The following PAPSS1 variants were observed in gnomAD, a reference collection of about 807,000 sequenced individuals.
PAPSS1 encodes 3'-phosphoadenosine 5'-phosphosulfate synthase 1.
PAPSS1 carries 50 observed loss-of-function variants against 72.0 expected under a neutral mutation model. The ratio of observed to expected loss-of-function variants is 0.69; its 90% CI spans 0.55 to 0.88. PAPSS1 has a LOEUF of 0.88. Ranked by LOEUF, PAPSS1 falls within the 40% of genes least tolerant of loss-of-function variation. The pLI is 0.00. For synonymous variants in PAPSS1, 261 were observed against 263.6 expected (o/e 0.99, Z 0.09); for missense variants, 657 against 782.2 (o/e 0.84, Z 1.91).
intron 11 of PAPSS1, among the ~76,000 whole-genome samples, chr4:107,621,134 T>C (rs1725943173): frequency 6.6e-6 from 1 of 152,096 alleles, no homozygotes; most frequent in Admixed American, 6.5e-5. Context: ...CAGTGATACC[T>C]AAGGACATGA....
At position 107,701,298 on chromosome 4, in the gene PAPSS1, GA is replaced by G. The variant is rs377503475; in HGVS notation, c.61-14del. ...CTCTCTGCATTCCCTAGAAAAAAAA[GA>G]AAAAAAAAATTCTAGTTTACATGAG... On this transcript the variant is annotated splice_polypyrimidine_tract_variant and intron_variant, in intron 1 of 11. Coordinates refer to ENST00000265174, the MANE Select transcript of PAPSS1 (RefSeq NM_005443.5). The G allele has an allele frequency of 6.7e-4, 951 of 1,416,770 alleles. 1 individual carries two copies. Among genetic ancestry groups the G allele is most frequent in the African/African-American group, 1.2e-3 (82 of 68,112 alleles). 87.8% of individuals were successfully genotyped at this position (1,416,770 alleles called of 1,614,324 possible).
At chr4:107,670,379 G>A (rs1578410513) in intron 5 of PAPSS1, among the ~76,000 whole-genome samples, 1 of 152,088 alleles carries the variant, frequency 6.6e-6, no homozygotes, top group South Asian at 2.1e-4. Context: ...TAAGACTACA[G>A]AGATAAGACA....
At chr4:107,677,740 T>C (rs1271227709) in intron 5 of PAPSS1, among the ~76,000 whole-genome samples, 1 of 152,352 alleles carries the variant, frequency 6.6e-6, no homozygotes, top group East Asian at 1.9e-4. Flanking sequence ...TGTACACGTA[T>C]GTTTATTGTG....
At chr4:107,664,805 G>A (rs2110325949) in intron 5 of PAPSS1, among the ~76,000 whole-genome samples, 1 of 152,286 alleles carries the variant, frequency 6.6e-6, no homozygotes, top group South Asian at 2.1e-4. Context: ...TCATAATTGA[G>A]CATAATTTTA....
At chr4:107,621,030 T>A (rs1046102435) in intron 11 of PAPSS1, among the ~76,000 whole-genome samples, 1 of 152,172 alleles carries the variant, frequency 6.6e-6, no homozygotes, top group Non-Finnish European at 1.5e-5. Flanking sequence ...CAGATCTCAG[T>A]GGCATCTGAT....
Position 107,714,112 on chromosome 4 carries a change from T to C in PAPSS1, c.60+6008A>G, listed in dbSNP as rs942717496. ...TTTAGCAGAAATCCCCCATCCTCCA[T>C]AGCTGACCAAACTCTTCAAGCTGCA... On this transcript the variant is annotated intron_variant, in intron 1 of 11. Transcript: ENST00000265174. Among the ~76,000 whole-genome samples, 13 of 152,178 alleles carry C rather than the reference T, an allele frequency of 8.5e-5. No homozygotes were observed. The South Asian group carries it at 2.3e-3, about 27-fold the overall frequency.
At chr4:107,693,043 C>CTTAA (rs1191170633) in intron 3 of PAPSS1, among the ~76,000 whole-genome samples, 1 of 152,084 alleles carries the variant, frequency 6.6e-6, no homozygotes, top group Non-Finnish European at 1.5e-5. Context: ...GGATGCTGGG[C>CTTAA]TTAATACCTA....
intron 11 of PAPSS1, among the ~76,000 whole-genome samples, chr4:107,619,068 A>G (rs1372216758): frequency 6.6e-6 from 1 of 152,200 alleles, no homozygotes; most frequent in Admixed American, 6.5e-5. Flanking sequence ...GGTTTCAAAA[A>G]AGAAAAACTT....
chr4:107,643,934 C>A (rs1303157846), intron 10 of PAPSS1, among the ~76,000 whole-genome samples: 1 of 152,052 alleles, frequency 6.6e-6, no homozygotes, highest in Non-Finnish European at 1.5e-5. Flanking sequence ...CAGAATGGGA[C>A]AGAATCTTGA....
chr4:107,698,866 A>G (rs1338980315), intron 2 of PAPSS1, among the ~76,000 whole-genome samples: 1 of 151,974 alleles, frequency 6.6e-6, no homozygotes, highest in East Asian at 1.9e-4. Flanking sequence ...TTTTTTTAAC[A>G]AGGACTGAAC....
chr4:107,653,076 CAT>C (rs911598969), intron 9 of PAPSS1, among the ~76,000 whole-genome samples: 1 of 149,158 alleles, frequency 6.7e-6, no homozygotes, highest in African/African-American at 2.4e-5. Flanking sequence ...TATATGAATA[CAT>C]ATATGAATAT....
At chr4:107,635,000 G>A (rs373601740) in intron 10 of PAPSS1, among the ~76,000 whole-genome samples, 42 of 151,940 alleles carry the variant, frequency 2.8e-4, no homozygotes, top group South Asian at 1.0e-3. Context: ...GGGTTTTACC[G>A]TGTTAGCCAG....
intron 3 of PAPSS1, among the ~76,000 whole-genome samples, chr4:107,691,325 A>T (rs1722912985): frequency 6.6e-6 from 1 of 152,190 alleles, no homozygotes; most frequent in Admixed American, 6.6e-5. Flanking sequence ...TAATCTTCAG[A>T]GCAACCCTAT....
chr4:107,682,457 G>A (rs1233580885), intron 4 of PAPSS1, among the ~76,000 whole-genome samples: 1 of 152,174 alleles, frequency 6.6e-6, no homozygotes, highest in Admixed American at 6.6e-5. Context: ...TATTTTCGCT[G>A]GGAACTGTGT....
intron 2 of PAPSS1, among the ~76,000 whole-genome samples, chr4:107,695,683 G>C (rs1283080920): frequency 2.0e-5 from 3 of 152,148 alleles, no homozygotes; most frequent in Non-Finnish European, 4.4e-5. Context: ...CTAGTTTATT[G>C]AGAGTTTTTA....
At chr4:107,713,360 G>T (rs1723546152) in intron 1 of PAPSS1, among the ~76,000 whole-genome samples, 1 of 152,094 alleles carries the variant, frequency 6.6e-6, no homozygotes, top group Admixed American at 6.6e-5. Flanking sequence ...ACTACTAATG[G>T]GTATAAGGTT....
At chr4:107,719,471 CCTGA>C (rs1338060427) in intron 1 of PAPSS1, among the ~76,000 whole-genome samples, 1 of 152,204 alleles carries the variant, frequency 6.6e-6, no homozygotes, top group Non-Finnish European at 1.5e-5. Context: ...TGGTCCCATA[CCTGA>C]CTGTCACCAG....
chr4:107,682,182 T>C, intron 4 of PAPSS1, 49 bp from the exon 5 acceptor site: 1 of 985,872 alleles, frequency 1.0e-6, no homozygotes, highest in Non-Finnish European at 1.6e-6. Context: ...AAAATTAAAA[T>C]AGTTTATTTT....
intron 10 of PAPSS1, among the ~76,000 whole-genome samples, chr4:107,642,900 A>G (rs1178294923): frequency 6.6e-6 from 1 of 152,222 alleles, no homozygotes; most frequent in East Asian, 1.9e-4. Context: ...AATGCTCAAC[A>G]AATACATATC....
Sources: gnomAD v4.1 joint callset for allele counts (sites outside exome capture counted in the v4.1 genomes callset) on GRCh38, gnomAD v4.1.1 for gene constraint, MANE v1.5 for transcripts, NCBI Gene and HGNC (gene_info 2026-07-23, HGNC 2026-07-21) for gene names.